The following MAP3K2 variants were observed in gnomAD, a reference collection of about 807,000 sequenced individuals.
MAP3K2 encodes the protein mitogen-activated protein kinase kinase kinase 2.
A neutral mutation model predicts 80.3 loss-of-function variants in MAP3K2; 24 were observed. The ratio of observed to expected loss-of-function variants is 0.30; its 90% CI spans 0.22 to 0.42. The LOEUF (loss-of-function observed/expected upper bound fraction) is 0.42. Among genes scored for constraint, MAP3K2 ranks in the 10% least tolerant of loss-of-function variants. MAP3K2 has a pLI of 1.00. For synonymous variants in MAP3K2, 244 were observed against 253.7 expected, an observed-to-expected ratio of 0.96 and a Z score of 0.36; for missense variants, 608 against 750.1, an observed-to-expected ratio of 0.81 and a Z score of 2.21.
intron 15 of MAP3K2, among the ~76,000 whole-genome samples, chr2:127,312,090 A>G (rs1685817752): frequency 6.6e-6 from 1 of 152,248 alleles, no homozygotes; most frequent in African/African-American, 2.4e-5. Context: ...ACAAAACTAG[A>G]TAGATGATGC....
chr2:127,373,138 C>G (rs1687094097), intron 1 of MAP3K2, among the ~76,000 whole-genome samples: 1 of 152,196 alleles, frequency 6.6e-6, no homozygotes, highest in Non-Finnish European at 1.5e-5. Flanking sequence ...GAATGCTGAA[C>G]AGTCCTACCA....
chr2:127,330,996 G>A (rs1471223591), intron 5 of MAP3K2, among the ~76,000 whole-genome samples: 1 of 152,126 alleles, frequency 6.6e-6, no homozygotes, highest in Non-Finnish European at 1.5e-5. Flanking sequence ...AGCTGCCATG[G>A]AGGGGTACCA....
At position 127,307,639 on chromosome 2, in the gene MAP3K2, C is replaced by T; in HGVS notation, c.1800G>A (p.Glu600=). The part of the protein sequence containing the change: ...TRDFLKRIFV[E]AKLRPSADEL... ...CATCAGCTGAAGGTCTCAGTTTGGC[C>T]TCTACAAAAATCCGTTTGAGGAAAT... is the stretch of plus-strand genomic sequence containing the variant. The change falls in exon 17 of 17, where the codon GAG becomes GAA. Residue 600 remains glutamate (E), a synonymous_variant. Transcript: ENST00000682094. This position sits in a 1 kb window ranked among gnomAD's most constrained non-coding sequence, Gnocchi z 5.4. 1.9e-6 allele frequency: 3 copies of T among 1,588,732 alleles called. No homozygotes were observed. Among genetic ancestry groups the T allele is most frequent in the Non-Finnish European group, 2.6e-6 (3 of 1,166,888 alleles).
Position 127,307,864 on chromosome 2 carries a change from G to T in MAP3K2, c.1635-60C>A. On this transcript the variant is annotated intron_variant, in intron 16 of 16. Transcript: ENST00000682094. This position sits in a 1 kb window ranked among gnomAD's most constrained non-coding sequence, Gnocchi z 5.4. ...CAACAACATGAAAGAAAGCTAGTTA[G>T]CTAGAAAATGAGAAACAGGCATTAA... 8.6e-7 allele frequency: 1 copy of T among 1,161,948 alleles called. No individual in the cohort carries two copies. The highest frequency in any genetic ancestry group is 1.2e-6 in the Non-Finnish European group (1 of 815,698). 72.0% of individuals were successfully genotyped at this position (1,161,948 alleles called of 1,614,324 possible). A position where few individuals can be genotyped will look rare whatever the true frequency, so the allele number is the denominator to read the frequency against.
At chr2:127,377,491 G>A (rs1164633901) in intron 1 of MAP3K2, among the ~76,000 whole-genome samples, 1 of 151,418 alleles carries the variant, frequency 6.6e-6, no homozygotes, top group Non-Finnish European at 1.5e-5. Flanking sequence ...TCATTATAGA[G>A]AATGATGAAT....
intron 1 of MAP3K2, among the ~76,000 whole-genome samples, chr2:127,369,853 C>G (rs1315193681): frequency 6.6e-6 from 1 of 152,098 alleles, no homozygotes; most frequent in African/African-American, 2.4e-5. Flanking sequence ...TCTCTCTTAA[C>G]TAATTAACCA....
chr2:127,351,742 A>T (rs990573816), intron 1 of MAP3K2, among the ~76,000 whole-genome samples: 2 of 152,124 alleles, frequency 1.3e-5, no homozygotes, highest in Non-Finnish European at 2.9e-5. Context: ...ACCCTTTTAA[A>T]AAGTAAGTCA....
chr2:127,365,795 A>G (rs1686961873), intron 1 of MAP3K2, among the ~76,000 whole-genome samples: 1 of 152,222 alleles, frequency 6.6e-6, no homozygotes. Flanking sequence ...GCTGAATAGT[A>G]GCTTTTCTCT....
intron 5 of MAP3K2, among the ~76,000 whole-genome samples, chr2:127,333,494 A>AT (rs1686303072): frequency 6.6e-6 from 1 of 152,188 alleles, no homozygotes; most frequent in African/African-American, 2.4e-5. Context: ...GTATAAATGA[A>AT]TTTTTTGCCT....
chr2:127,369,710 T>G (rs1297248781), intron 1 of MAP3K2, among the ~76,000 whole-genome samples: 2 of 152,188 alleles, frequency 1.3e-5, no homozygotes, highest in Non-Finnish European at 2.9e-5. Flanking sequence ...ATGGAAAGAT[T>G]AAATTTCCCC....
chr2:127,333,592 T>C (rs1404626791), intron 5 of MAP3K2, among the ~76,000 whole-genome samples: 2 of 152,152 alleles, frequency 1.3e-5, no homozygotes, highest in Non-Finnish European at 2.9e-5. Context: ...TATGTCAAGA[T>C]ATGAAACAGG....
rs760142919 is a variant in MAP3K2, at chr2:127,308,700, G to A, written c.1519C>T (p.Arg507Trp). The A allele has an allele frequency of 6.2e-6, 10 of 1,613,754 alleles. No homozygotes were observed. Among genetic ancestry groups the A allele is most frequent in the South Asian group, 3.3e-5 (3 of 91,074 alleles). The change falls in exon 16 of 17, where the codon CGG (arginine) becomes TGG (tryptophan). Residue 507 changes from arginine (R) to tryptophan (W), a missense_variant. Physicochemically the swap from Arg to Trp is moderately radical, Grantham distance 101. Transcript: ENST00000682094. ...CCTGAGAGACAGATGGTCTGAAGCC[G>A]TTTGCTGGCCCCAAAATCTCCTAGT... ...VKLGDFGASK[R>W]LQTICLSGTG...
At chr2:127,359,748 C>A (rs7568261) in intron 1 of MAP3K2, among the ~76,000 whole-genome samples, 17 of 151,758 alleles carry the variant, frequency 1.1e-4, no homozygotes, top group African/African-American at 4.1e-4. Context: ...TAAAAGTGTG[C>A]GGCACCTCCC....
chr2:127,354,878 A>G (rs1374910481), intron 1 of MAP3K2, among the ~76,000 whole-genome samples: 1 of 152,052 alleles, frequency 6.6e-6, no homozygotes, highest in African/African-American at 2.4e-5. Flanking sequence ...GGAGGCATGG[A>G]AGATGTTTTT....
At chr2:127,318,600 C>T (rs1685953923) in intron 12 of MAP3K2, among the ~76,000 whole-genome samples, 1 of 152,182 alleles carries the variant, frequency 6.6e-6, no homozygotes, top group South Asian at 2.1e-4. Context: ...TTCACTCAAT[C>T]TAACATTCCA....
chr2:127,325,648 A>C, intron 9 of MAP3K2, 80 bp downstream of exon 9: 6 of 1,112,530 alleles, frequency 5.4e-6, no homozygotes, highest in Non-Finnish European at 8.1e-6. Context: ...CATTCACGCC[A>C]CTGCGCTCCA....
intron 8 of MAP3K2, among the ~76,000 whole-genome samples, chr2:127,326,093 A>T (rs1031188451): frequency 2.0e-5 from 3 of 152,166 alleles, no homozygotes; most frequent in Non-Finnish European, 4.4e-5. Context: ...TTCTTTCTCT[A>T]TAGACTATTG....
chr2:127,308,497 T>C lies in MAP3K2; in HGVS notation c.1634+88A>G, dbSNP rs1005626945. 6 of 1,204,204 alleles carry C rather than the reference T, an allele frequency of 5.0e-6. No individual in the cohort carries two copies. In the African/African-American group the frequency reaches 7.6e-5, roughly 15 times the overall value. The allele number at this position is 1,204,204 out of a possible 1,614,324, so 74.6% of individuals were successfully genotyped here. A position where few individuals can be genotyped will look rare whatever the true frequency, so the allele number is the denominator to read the frequency against. On this transcript the variant is annotated intron_variant, in intron 16 of 16. Transcript: ENST00000682094. ...CGTCCTATTTTGGAAGTACAAAAGA[T>C]TATTTACATCTGCCTCAGTAATTCA...
rs1169888582 is a variant in MAP3K2 at position 127,304,420 on chromosome 2, C to T, written c.*3159G>A. The T allele has an allele frequency of 6.6e-6, 1 of 152,040 alleles. No homozygotes were observed. The highest frequency in any genetic ancestry group is 2.4e-5 in the African/African-American group (1 of 41,402). 9.4% of individuals were successfully genotyped at this position (152,040 alleles called of 1,614,324 possible). ...TATTTGGTCCAAGCCTAAGTCATGC[C>T]ACTTTGAATCTCTCAAGGCCTTAAG... On this transcript the variant is annotated 3_prime_UTR_variant, in exon 17 of 17. Coordinates refer to ENST00000682094, the MANE Select transcript of MAP3K2 (RefSeq NM_001371910.2).
Sources: allele counts gnomAD v4.1 joint callset (sites outside exome capture counted in the v4.1 genomes callset), GRCh38; gene constraint gnomAD v4.1.1; non-coding constraint Gnocchi (gnomAD v3.1); transcripts MANE v1.5; gene names NCBI Gene and HGNC (gene_info 2026-07-23, HGNC 2026-07-21).